The following ADGRB3 variants were observed in gnomAD, a reference collection of about 807,000 sequenced individuals.
ADGRB3 encodes adhesion G protein-coupled receptor B3.
In ADGRB3, 37 loss-of-function variants were observed where a neutral mutation model predicts 193.4. The observed-to-expected ratio is 0.19, with a 90% CI of 0.15 to 0.25. ADGRB3 has a LOEUF of 0.25. ADGRB3 is among the 10% of genes least tolerant of loss of function. The probability of loss-of-function intolerance (pLI) is 1.00; values close to 1 mark genes in which losing one functional copy is unlikely to be tolerated. For missense variants in ADGRB3, 1,637 were observed against 1,852.9 expected, an observed-to-expected ratio of 0.88 and a Z score of 2.14; for synonymous variants, 690 against 644.2, an observed-to-expected ratio of 1.07 and a Z score of -1.08.
chr6:69,320,817 A>ATGTGTGTGTGTGTGTGTGTG (rs1491560826), intron 20 of ADGRB3, among the ~76,000 whole-genome samples: 4 of 104,874 alleles, frequency 3.8e-5, no homozygotes, highest in Admixed American at 9.4e-5. Flanking sequence ...GTGCTTGTGC[A>ATGTGTGTGTGTGTGTGTGTG]TGTGTGTATG....
chr6:69,367,478 A>G (rs1190423264), intron 29 of ADGRB3, among the ~76,000 whole-genome samples: 2 of 152,000 alleles, frequency 1.3e-5, no homozygotes, highest in South Asian at 2.1e-4. Context: ...CAGTCCCACC[A>G]ACAGTGTAAA....
intron 16 of ADGRB3, among the ~76,000 whole-genome samples, chr6:69,069,942 G>A (rs1464205435): frequency 6.6e-6 from 1 of 151,628 alleles, no homozygotes; most frequent in Non-Finnish European, 1.5e-5. Flanking sequence ...TTAAAGTAAT[G>A]CCTTGCCATC....
chr6:68,924,256 C>A (rs192035712), intron 3 of ADGRB3, among the ~76,000 whole-genome samples: 1 of 151,946 alleles, frequency 6.6e-6, no homozygotes, highest in African/African-American at 2.4e-5. Flanking sequence ...TTGATGAATT[C>A]TTGCATGGAA....
chr6:69,125,521 T>A (rs1773828529), intron 17 of ADGRB3, among the ~76,000 whole-genome samples: 2 of 152,224 alleles, frequency 1.3e-5, no homozygotes, highest in South Asian at 4.2e-4. Context: ...AAGACAGGGC[T>A]GGAAGGGACT....
At chr6:69,164,223 C>T (rs1775074018) in intron 17 of ADGRB3, among the ~76,000 whole-genome samples, 2 of 152,096 alleles carry the variant, frequency 1.3e-5, no homozygotes, top group African/African-American at 2.4e-5. Context: ...TAGGACCTGG[C>T]TCCCATTTAT....
At chr6:69,271,126 T>C (rs1420319763) in intron 20 of ADGRB3, among the ~76,000 whole-genome samples, 2 of 152,182 alleles carry the variant, frequency 1.3e-5, no homozygotes, top group African/African-American at 2.4e-5. Context: ...TCTTTAGCCA[T>C]AGGATGGAAT....
chr6:68,873,422 T>C (rs1226104363), intron 3 of ADGRB3, among the ~76,000 whole-genome samples: 1 of 152,166 alleles, frequency 6.6e-6, no homozygotes, highest in Non-Finnish European at 1.5e-5. Context: ...CCCCTGGATG[T>C]AATGCCATTA....
intron 29 of ADGRB3, among the ~76,000 whole-genome samples, chr6:69,365,574 T>TA (rs1295334479): frequency 1.3e-5 from 2 of 152,190 alleles, no homozygotes; most frequent in Non-Finnish European, 2.9e-5. Flanking sequence ...TTCTTATCAA[T>TA]AAAAAACTTA....
chr6:69,127,909 T>G (rs4706860), intron 17 of ADGRB3, among the ~76,000 whole-genome samples: 2,678 of 150,480 alleles, frequency 0.018, 102 homozygotes, highest in East Asian at 0.12. Context: ...TTTTTTTGTT[T>G]TTTTTTTCTG....
intron 27 of ADGRB3, among the ~76,000 whole-genome samples, chr6:69,354,672 C>T (rs990134871): frequency 6.6e-6 from 1 of 152,180 alleles, no homozygotes. Context: ...AGTCTTAAAG[C>T]AGTGGTTCTT....
intron 31 of ADGRB3, among the ~76,000 whole-genome samples, chr6:69,387,990 G>A (rs565254017): frequency 5.3e-5 from 8 of 152,020 alleles, no homozygotes; most frequent in Non-Finnish European, 8.8e-5. Context: ...GAAATTGAGA[G>A]CTAATAGAAA....
intron 29 of ADGRB3, among the ~76,000 whole-genome samples, chr6:69,362,550 C>T (rs866303089): frequency 6.6e-6 from 1 of 151,924 alleles, no homozygotes; most frequent in Middle Eastern, 3.4e-3. Context: ...CAGGGTTTTC[C>T]CAATTGATTG....
chr6:68,648,492 G>A (rs1478187355), intron 3 of ADGRB3, among the ~76,000 whole-genome samples: 1 of 144,328 alleles, frequency 6.9e-6, no homozygotes, highest in African/African-American at 2.6e-5. Flanking sequence ...TCGAAAGAGA[G>A]CAAATATGGG....
intron 11 of ADGRB3, among the ~76,000 whole-genome samples, chr6:69,008,889 A>C (rs908415412): frequency 6.6e-6 from 1 of 152,148 alleles, no homozygotes; most frequent in Non-Finnish European, 1.5e-5. Flanking sequence ...TAGTTTTCTT[A>C]TCTGTAAAAA....
intron 11 of ADGRB3, among the ~76,000 whole-genome samples, chr6:69,003,981 T>TA (rs758791571): frequency 5.8e-4 from 89 of 152,312 alleles, no homozygotes; most frequent in Non-Finnish European, 1.2e-3. Context: ...GTCGAGTTTT[T>TA]AAAAAATACA....
intron 3 of ADGRB3, among the ~76,000 whole-genome samples, chr6:68,676,389 CAAA>C (rs70987431): frequency 2.5e-4 from 21 of 84,624 alleles, no homozygotes; most frequent in South Asian, 7.6e-4. Context: ...GACTCTGTCT[CAAA>C]AAAAAAAAAA....
At chr6:68,714,016 T>TTA (rs1226266343) in intron 3 of ADGRB3, among the ~76,000 whole-genome samples, 1 of 151,718 alleles carries the variant, frequency 6.6e-6, no homozygotes, top group East Asian at 1.9e-4. Context: ...TGGAATAACT[T>TTA]TATTCATGAG....
At chr6:69,125,654 CA>C (rs1773831677) in intron 17 of ADGRB3, among the ~76,000 whole-genome samples, 1 of 152,108 alleles carries the variant, frequency 6.6e-6, no homozygotes, top group African/African-American at 2.4e-5. Context: ...GTTTATAAGC[CA>C]CTCACACTAT....
At chr6:69,073,522 G>A (rs765853774) in intron 16 of ADGRB3, among the ~76,000 whole-genome samples, 6 of 152,034 alleles carry the variant, frequency 3.9e-5, no homozygotes, top group Non-Finnish European at 8.8e-5. Context: ...ATGAAACAGG[G>A]GCCCTCGGCA....
Sources: allele counts gnomAD v4.1 joint callset (sites outside exome capture counted in the v4.1 genomes callset), GRCh38; gene constraint gnomAD v4.1.1; transcripts MANE v1.5; gene names NCBI Gene and HGNC (gene_info 2026-07-23, HGNC 2026-07-21).